Variants in TLL2 observed in about 807,000 individuals in gnomAD.
TLL2 encodes tolloid like 2.
Under a neutral mutation model 123.0 loss-of-function variants are expected in TLL2, and 106 were observed. That is an observed-to-expected ratio of 0.86 (90% CI 0.74 to 1.01). The LOEUF (loss-of-function observed/expected upper bound fraction) is 1.01. TLL2 is among the 50% of genes least tolerant of loss of function. The pLI, the probability that TLL2 is intolerant of heterozygous loss-of-function variation, is 0.00. For synonymous variants in TLL2, 494 were observed against 516.8 expected (o/e 0.96, Z 0.60); for missense variants, 1,332 against 1,336.7 (o/e 1.00, Z 0.06).
At chr10:96,485,005 G>A (rs944802170) in intron 1 of TLL2, among the ~76,000 whole-genome samples, 1 of 152,130 alleles carries the variant, frequency 6.6e-6, no homozygotes, top group Non-Finnish European at 1.5e-5. Flanking sequence ...TATATTTCTA[G>A]GTCGGAGTTT....
Position 96,380,549 on chromosome 10 carries a change from C to T in TLL2, c.2195-1457G>A, listed in dbSNP as rs924600463. On this transcript the variant is annotated intron_variant, in intron 16 of 20. Transcript: ENST00000357947. ...AAAAATAATAATAATAATAATTAGC[C>T]GGGCGTGGTGGCGGGCGCCTGTAGT... 1.6e-4 allele frequency among the ~76,000 whole-genome samples: 25 copies of T among 151,764 alleles called. 1 individual carries two copies. Among genetic ancestry groups the T allele is most frequent in the African/African-American group, 4.8e-4 (20 of 41,310 alleles).
rs763235245 is a variant in TLL2, at chr10:96,432,829, G to A, written c.498C>T (p.Tyr166=). The part of the protein sequence containing the change: ...ERIWPGGVIP[Y]VIGGNFTGSQ... ...GACCAGTGAAGTTCCCTCCAATGAC[G>A]TAGGGGATGACTCCTCCAGGCCATA... Residue 166 remains tyrosine, a synonymous_variant, in exon 4 of 21, where the codon TAC becomes TAT. Coordinates refer to ENST00000357947, the MANE Select transcript of TLL2 (RefSeq NM_012465.4). The A allele has an allele frequency of 3.7e-5, 59 of 1,613,942 alleles. No homozygotes were observed. The highest frequency in any genetic ancestry group is 3.0e-4 in the South Asian group (27 of 91,072).
At position 96,365,630 on chromosome 10, in the gene TLL2, T is replaced by C. The variant is rs1324130572; in HGVS notation, c.*2458A>G. On this transcript the variant is annotated 3_prime_UTR_variant, in exon 21 of 21. Transcript: ENST00000357947. ...ATGCTTGCAGGCAGGTCACTGATAATTGGAAGCACCAAGGCAGAGGCCTGG... is the reference window on the plus strand; with the variant it reads ...ATGCTTGCAGGCAGGTCACTGATAACTGGAAGCACCAAGGCAGAGGCCTGG... 1 of 152,246 alleles carries C rather than the reference T, an allele frequency of 6.6e-6. No homozygotes were observed. Among genetic ancestry groups the C allele is most frequent in the East Asian group, 1.9e-4 (1 of 5,200 alleles). 9.4% of individuals were successfully genotyped at this position (152,246 alleles called of 1,614,324 possible).
At chr10:96,437,181 T>A (rs1479157174) in intron 3 of TLL2, among the ~76,000 whole-genome samples, 1 of 152,228 alleles carries the variant, frequency 6.6e-6, no homozygotes, top group African/African-American at 2.4e-5. Context: ...AATATTATAT[T>A]TTCTGGTATA....
Position 96,410,399 on chromosome 10 carries a change from G to T in TLL2, c.1124C>A (p.Ser375Tyr). ...GACCGAGATCCTCCAGACGCAGTGGGAGTAAGATGGGTACCCATTTGGGAA... is the reference window on the plus strand; with the variant it reads ...GACCGAGATCCTCCAGACGCAGTGGTAGTAAGATGGGTACCCATTTGGGAA... ...PGFPNGYPSY[S>Y]HCVWRISVTP... Residue 375 changes from serine (S) to tyrosine (Y), a missense_variant, in exon 9 of 21, where the codon TCC becomes TAC. Coordinates refer to ENST00000357947, the MANE Select transcript of TLL2 (RefSeq NM_012465.4). 1 of 1,613,926 alleles carries T rather than the reference G, an allele frequency of 6.2e-7. No homozygotes were observed. The highest frequency in any genetic ancestry group is 8.5e-7 in the Non-Finnish European group (1 of 1,180,026).
Position 96,419,898 on chromosome 10 carries a change from T to C in TLL2, c.923+1058A>G, listed in dbSNP as rs117580066. Among the ~76,000 whole-genome samples the C allele has an allele frequency of 6.6e-5, 10 of 152,350 alleles. 1 individual carries two copies. In the East Asian group the frequency reaches 1.9e-3, roughly 29 times the overall value. On this transcript the variant is annotated intron_variant, in intron 7 of 20. Coordinates refer to ENST00000357947, the MANE Select transcript of TLL2 (RefSeq NM_012465.4). ...TCATGGAATGGATTATTTCCCTCTT[T>C]GCTGTGACTGCTAGGAAGCACAGGG...
chr10:96,397,418 G>T, intron 10 of TLL2, 116 bp from the exon 11 acceptor site: 1 of 665,014 alleles, frequency 1.5e-6, no homozygotes, highest in Non-Finnish European at 2.6e-6. Flanking sequence ...CAATAACCCT[G>T]GCTGGGACAA....
chr10:96,440,273 C>T (rs374733026), intron 3 of TLL2, among the ~76,000 whole-genome samples: 10 of 152,198 alleles, frequency 6.6e-5, no homozygotes, highest in East Asian at 5.8e-4. Flanking sequence ...CTTTATTCTC[C>T]ACACCCTGCA....
chr10:96,408,716 C>T (rs1846473390), intron 9 of TLL2, among the ~76,000 whole-genome samples: 1 of 152,220 alleles, frequency 6.6e-6, no homozygotes, highest in Admixed American at 6.5e-5. Flanking sequence ...TGTGTGCCCA[C>T]ACATGTGCAT....
At chr10:96,429,443 C>T (rs955563127) in intron 4 of TLL2, among the ~76,000 whole-genome samples, 13 of 151,160 alleles carry the variant, frequency 8.6e-5, no homozygotes, top group Admixed American at 7.9e-4. Flanking sequence ...AAAAACACAA[C>T]GTAACTTTTC....
chr10:96,419,403 G>C (rs1017281598), intron 7 of TLL2, among the ~76,000 whole-genome samples: 1 of 152,144 alleles, frequency 6.6e-6, no homozygotes, highest in Non-Finnish European at 1.5e-5. Flanking sequence ...CCTAATTACT[G>C]TCTGCCTCCC....
intron 1 of TLL2, among the ~76,000 whole-genome samples, chr10:96,499,418 A>G (rs1364346666): frequency 6.6e-6 from 1 of 151,614 alleles, no homozygotes; most frequent in Admixed American, 6.6e-5. Context: ...TGTTCCCTTT[A>G]CCTCTTTTGG....
intron 1 of TLL2, among the ~76,000 whole-genome samples, chr10:96,494,599 T>C (rs11188796): frequency 0.52 from 78,424 of 151,882 alleles, 20,773 homozygotes; most frequent in East Asian, 0.69. Flanking sequence ...GGTTTATTGT[T>C]CAGTCAGCTT....
chr10:96,476,248 T>TTTTTTTTTTTTTTTTTTG lies in TLL2; in HGVS notation c.286+4100_286+4101insCAAAAAAAAAAAAAAAAA, dbSNP rs1285354320. On this transcript the variant is annotated intron_variant, in intron 2 of 20. Transcript: ENST00000357947. ...TATATATATATATATATATTTTATT[T>TTTTTTTTTTTTTTTTTTG]TTGTTGTTGTTGTTGTTGTTGAGAC... Among the ~76,000 whole-genome samples the TTTTTTTTTTTTTTTTTTG allele has an allele frequency of 8.5e-4, 59 of 69,192 alleles. 3 individuals are homozygous for TTTTTTTTTTTTTTTTTTG. Among genetic ancestry groups the TTTTTTTTTTTTTTTTTTG allele is most frequent in the Non-Finnish European group, 1.0e-3 (38 of 36,444 alleles). 45.4% of individuals were successfully genotyped at this position (69,192 alleles called of 152,430 possible).
chr10:96,480,175 G>GC (rs1847298006), intron 2 of TLL2, among the ~76,000 whole-genome samples, 174 bp downstream of exon 2: 1 of 152,178 alleles, frequency 6.6e-6, no homozygotes, highest in Non-Finnish European at 1.5e-5. Flanking sequence ...AAACTTGGAA[G>GC]CCCCAGCTCC....
rs17111767 is a variant in TLL2 at position 96,387,047 on chromosome 10, G to A, written c.1758C>T (p.Gly586=). 3.7e-3 allele frequency: 6,038 copies of A among 1,614,066 alleles called. 208 individuals carry two copies. The African/African-American group carries it at 0.069, about 18-fold the overall frequency. ...TGTTCACACAGCGATGCTCGCACCC[G>A]CCGTGATCTGGCCAGGAACACTCAT... ...EVDECSWPDH[G]GCEHRCVNTL... The change falls in exon 14 of 21, where the codon GGC becomes GGT. Residue 586 remains glycine (G), a synonymous_variant. Coordinates refer to ENST00000357947, the MANE Select transcript of TLL2 (RefSeq NM_012465.4).
At position 96,476,857 on chromosome 10, in the gene TLL2, T is replaced by TACACAC. The variant is rs56240059; in HGVS notation, c.286+3486_286+3491dup. Reference sequence around the variant, plus strand: ...GTAAAATCCCTAATCCCTTTTATGTTACACACACACACACACACACACACA... The same window carrying TACACAC: ...GTAAAATCCCTAATCCCTTTTATGTTACACACACACACACACACACACACACACACA... On this transcript the variant is annotated intron_variant, in intron 2 of 20. Transcript: ENST00000357947. Among the ~76,000 whole-genome samples, 387 of 117,340 alleles carry TACACAC rather than the reference T, an allele frequency of 3.3e-3. 1 individual carries two copies. Among genetic ancestry groups the TACACAC allele is most frequent in the South Asian group, 0.011 (34 of 3,082 alleles). The allele number at this position is 117,340 out of a possible 152,430, so 77.0% of individuals were successfully genotyped here.
chr10:96,411,903 T>A (rs913846340), intron 8 of TLL2, among the ~76,000 whole-genome samples: 2 of 152,150 alleles, frequency 1.3e-5, no homozygotes, highest in African/African-American at 4.8e-5. Context: ...CCAGGCATCA[T>A]GAGGATTATG....
At position 96,395,919 on chromosome 10, in the gene TLL2, C is replaced by A. The variant is rs762152581; in HGVS notation, c.1486G>T (p.Val496Phe). ...AGTCCCACGTGAAACCCCTCTGAAACCGTAATCCTCCAGACACATTCCTTG... is the reference window on the plus strand; with the variant it reads ...AGTCCCACGTGAAACCCCTCTGAAAACGTAATCCTCCAGACACATTCCTTG... The part of the protein sequence containing the change: ...PSKECVWRIT[V>F]SEGFHVGLTF... The change falls in exon 12 of 21, where the codon GTT (valine) becomes TTT (phenylalanine). Residue 496 changes from valine (V) to phenylalanine (F), a missense_variant. Val to Phe is a conservative substitution (Grantham distance 50). Transcript: ENST00000357947. The A allele has an allele frequency of 2.5e-6, 4 of 1,614,230 alleles. No individual in the cohort carries two copies. The Admixed American group carries it at 6.7e-5, about 27-fold the overall frequency.
Sources: gnomAD v4.1 joint callset for allele counts (sites outside exome capture counted in the v4.1 genomes callset) on GRCh38, gnomAD v4.1.1 for gene constraint, MANE v1.5 for transcripts, NCBI Gene and HGNC (gene_info 2026-07-23, HGNC 2026-07-21) for gene names.